FARS2: variants seen among roughly 807,000 people sequenced by gnomAD.
FARS2 encodes phenylalanyl-tRNA synthetase 2, mitochondrial.
In FARS2, 40 loss-of-function variants were observed where a neutral mutation model predicts 46.4. That is an observed-to-expected ratio of 0.86 (90% CI 0.67 to 1.12). The LOEUF is 1.12. FARS2 is among the 50% of genes most tolerant of loss of function. The pLI, the probability that FARS2 is intolerant of heterozygous loss-of-function variation, is 0.00. For synonymous variants in FARS2, 234 were observed against 214.9 expected (o/e 1.09, Z -0.78); for missense variants, 513 against 567.9 (o/e 0.90, Z 0.98).
upstream of FARS2, among the ~76,000 whole-genome samples, chr6:5,256,234 A>C (rs1238732646): frequency 2.0e-5 from 3 of 152,118 alleles, no homozygotes; most frequent in African/African-American, 7.2e-5. Flanking sequence ...TCATGCCTGT[A>C]ATCCCAGCAC....
At chr6:5,406,614 T>C (rs1761610936) in intron 3 of FARS2, among the ~76,000 whole-genome samples, 1 of 152,218 alleles carries the variant, frequency 6.6e-6, no homozygotes, top group African/African-American at 2.4e-5. Context: ...TATGAGTAGT[T>C]GATTCCTTTT....
At chr6:5,752,102 A>C (rs1375357858) in intron 6 of FARS2, among the ~76,000 whole-genome samples, 1 of 152,092 alleles carries the variant, frequency 6.6e-6, no homozygotes, top group Non-Finnish European at 1.5e-5. Context: ...CGAAACACTC[A>C]AGCTTCCTCC....
chr6:5,737,147 G>C (rs1761003828), intron 6 of FARS2, among the ~76,000 whole-genome samples: 1 of 152,154 alleles, frequency 6.6e-6, no homozygotes. Flanking sequence ...AAGTAAAACT[G>C]AGCCTCGAAA....
intron 6 of FARS2, among the ~76,000 whole-genome samples, chr6:5,685,344 A>G (rs1370181509): frequency 6.6e-6 from 1 of 152,184 alleles, no homozygotes; most frequent in Admixed American, 6.5e-5. Context: ...AGTATTGAAA[A>G]GATTTAGGTG....
chr6:5,250,449 C>T, the FARS2 span, among the ~76,000 whole-genome samples: 1 of 152,142 alleles, frequency 6.6e-6, no homozygotes, highest in South Asian at 2.1e-4. Flanking sequence ...ATATTTTCTA[C>T]TCTAAGTTAA....
At chr6:5,699,479 C>T (rs568939402) in intron 6 of FARS2, among the ~76,000 whole-genome samples, 1 of 152,136 alleles carries the variant, frequency 6.6e-6, no homozygotes, top group African/African-American at 2.4e-5. Context: ...CCTGCAGAAT[C>T]AGGGTCTGGA....
chr6:5,324,940 C>T (rs770722573), intron 1 of FARS2, among the ~76,000 whole-genome samples: 12 of 152,100 alleles, frequency 7.9e-5, no homozygotes, highest in South Asian at 4.2e-4. Flanking sequence ...CCATCCCTGC[C>T]GCAGGAAAGA....
intron 4 of FARS2, among the ~76,000 whole-genome samples, chr6:5,447,923 A>G (rs982480102): frequency 5.3e-5 from 8 of 152,360 alleles, no homozygotes; most frequent in Non-Finnish European, 1.2e-4. Flanking sequence ...CAGGGAGGTT[A>G]TCCCAGAAGA....
chr6:5,743,446 T>G (rs1761464424), intron 6 of FARS2, among the ~76,000 whole-genome samples: 1 of 152,192 alleles, frequency 6.6e-6, no homozygotes, highest in African/African-American at 2.4e-5. Context: ...CCACAGTGTT[T>G]GTATTGATTT....
At chr6:5,676,477 C>T (rs1778774275) in intron 6 of FARS2, among the ~76,000 whole-genome samples, 1 of 152,184 alleles carries the variant, frequency 6.6e-6, no homozygotes, top group South Asian at 2.1e-4. Context: ...AGTCTGGGAT[C>T]TGCTTTAATT....
At chr6:5,315,760 T>TTCTTTC (rs1769465120) in intron 1 of FARS2, among the ~76,000 whole-genome samples, 1 of 152,016 alleles carries the variant, frequency 6.6e-6, no homozygotes, top group Non-Finnish European at 1.5e-5. Context: ...CTTTCTTTCT[T>TTCTTTC]TTTTTTGGGG....
intron 6 of FARS2, among the ~76,000 whole-genome samples, chr6:5,655,192 T>C (rs1181626096): frequency 6.6e-6 from 1 of 152,186 alleles, no homozygotes; most frequent in Non-Finnish European, 1.5e-5. Flanking sequence ...TTTCTCTCCT[T>C]GAGAAAAAAT....
At position 5,630,902 on chromosome 6, in the gene FARS2, C is replaced by G. The variant is rs1229404621; in HGVS notation, c.1217+17582C>G. Reference sequence around the variant, plus strand: ...CTGAGCGATGCTTTGATCAGCATTTCTTAATATGGCACATGGGGGAGAAAA... The same window carrying G: ...CTGAGCGATGCTTTGATCAGCATTTGTTAATATGGCACATGGGGGAGAAAA... On this transcript the variant is annotated intron_variant, in intron 6 of 6. Transcript: ENST00000274680. The surrounding 1 kb of genome is among the most constrained non-coding windows in gnomAD (Gnocchi z 4.2). Among the ~76,000 whole-genome samples, 2 of 152,184 alleles carry G rather than the reference C, an allele frequency of 1.3e-5. No individual in the cohort carries two copies. The highest frequency in any genetic ancestry group is 2.9e-5 in the Non-Finnish European group (2 of 68,030).
chr6:5,318,518 A>G (rs1035952090), intron 1 of FARS2, among the ~76,000 whole-genome samples: 8 of 152,036 alleles, frequency 5.3e-5, no homozygotes, highest in Middle Eastern at 3.4e-3. Context: ...GAGTCTCACT[A>G]TGTTACCAGC....
chr6:5,648,214 C>G (rs1582665942), intron 6 of FARS2, among the ~76,000 whole-genome samples: 1 of 152,228 alleles, frequency 6.6e-6, no homozygotes, highest in East Asian at 1.9e-4. Flanking sequence ...AAGTTAAACA[C>G]AGTAGCCTCA....
intron 4 of FARS2, among the ~76,000 whole-genome samples, chr6:5,519,649 A>G (rs140642776): frequency 6.7e-4 from 102 of 152,298 alleles, no homozygotes; most frequent in African/African-American, 2.3e-3. Flanking sequence ...TCTGTATTCC[A>G]AGTATCCATT....
intron 5 of FARS2, among the ~76,000 whole-genome samples, chr6:5,575,641 T>G (rs1398638235): frequency 6.6e-6 from 1 of 152,228 alleles, no homozygotes; most frequent in Non-Finnish European, 1.5e-5. Flanking sequence ...ATTTTCTTCC[T>G]GGTCCAGGAT....
intron 1 of FARS2, among the ~76,000 whole-genome samples, chr6:5,326,373 G>A (rs1431297700): frequency 6.6e-6 from 1 of 152,194 alleles, no homozygotes; most frequent in African/African-American, 2.4e-5. Flanking sequence ...ACTTGGTGAG[G>A]AACATCCACT....
intron 6 of FARS2, among the ~76,000 whole-genome samples, chr6:5,688,063 T>G (rs960090052): frequency 3.9e-5 from 6 of 152,178 alleles, no homozygotes; most frequent in Non-Finnish European, 8.8e-5. Flanking sequence ...ATCCTGAGAC[T>G]TTGCTGAAGT....
Sources: allele counts gnomAD v4.1 joint callset (sites outside exome capture counted in the v4.1 genomes callset), GRCh38; gene constraint gnomAD v4.1.1; non-coding constraint Gnocchi (gnomAD v3.1); transcripts MANE v1.5; gene names NCBI Gene and HGNC (gene_info 2026-07-23, HGNC 2026-07-21).